ATRN: variants seen among roughly 807,000 people sequenced by gnomAD.
The protein encoded by ATRN is attractin.
Under a neutral mutation model 178.7 loss-of-function variants are expected in ATRN, and 54 were observed. The ratio of observed to expected loss-of-function variants is 0.30; its 90% CI spans 0.24 to 0.38. The LOEUF is 0.38. ATRN is among the 10% of genes least tolerant of loss of function. The pLI is 1.00. For missense variants in ATRN, 1,443 were observed against 1,815.1 expected, an observed-to-expected ratio of 0.79 and a Z score of 3.73; for synonymous variants, 636 against 663.0, an observed-to-expected ratio of 0.96 and a Z score of 0.63.
chr20:3,650,762 G>A lies in ATRN; in HGVS notation c.*3915G>A, dbSNP rs2087140941. The stretch of plus-strand genomic sequence containing the variant: ...TCTAAACACTAGTGAAGCCTGTTTC[G>A]TTGAACTAATTCTGGCTCTGGAAAT... On this transcript the variant is annotated 3_prime_UTR_variant, in exon 29 of 29. Coordinates refer to ENST00000262919, the MANE Select transcript of ATRN (RefSeq NM_139321.3). 1 of 148,330 alleles carries A rather than the reference G, an allele frequency of 6.7e-6. No individual in the cohort carries two copies. Among genetic ancestry groups the A allele is most frequent in the Admixed American group, 6.7e-5 (1 of 14,964 alleles). The allele number at this position is 148,330 out of a possible 1,614,324, so 9.2% of individuals were successfully genotyped here. A position where few individuals can be genotyped will look rare whatever the true frequency, so the allele number is the denominator to read the frequency against.
chr20:3,646,894 C>T lies in ATRN; in HGVS notation c.*47C>T, dbSNP rs779313188. On this transcript the variant is annotated 3_prime_UTR_variant, in exon 29 of 29. Coordinates refer to ENST00000262919, the MANE Select transcript of ATRN (RefSeq NM_139321.3). Reference sequence around the variant, plus strand: ...CACGCACGAGCTAGTGAGTGGCACACCAGAGCCATCTGCAGGGAAGGGCGT... The same window carrying T: ...CACGCACGAGCTAGTGAGTGGCACATCAGAGCCATCTGCAGGGAAGGGCGT... 1.1e-5 allele frequency: 17 copies of T among 1,605,830 alleles called. No individual in the cohort carries two copies. Among genetic ancestry groups the T allele is most frequent in the African/African-American group, 2.7e-5 (2 of 74,724 alleles).
At position 3,629,133 on chromosome 20, in the gene ATRN, A is replaced by C; in HGVS notation, c.3863+4561A>C. 5 of 981,738 alleles carry C rather than the reference A, an allele frequency of 5.1e-6. No individual in the cohort carries two copies. In the African/African-American group the frequency reaches 7.1e-5, roughly 14 times the overall value. The allele number at this position is 981,738 out of a possible 1,614,324, so 60.8% of individuals were successfully genotyped here. A position where few individuals can be genotyped will look rare whatever the true frequency, so the allele number is the denominator to read the frequency against. ...GGCCGTCAGTGCACTCTCCACCTCC[A>C]CTCCCCACCCCACCAACCCTAGCAT... On this transcript the variant is annotated intron_variant, in intron 25 of 28. Coordinates refer to ENST00000262919, the MANE Select transcript of ATRN (RefSeq NM_139321.3).
chr20:3,535,819 G>A (rs1296392642), intron 2 of ATRN, among the ~76,000 whole-genome samples: 2 of 151,976 alleles, frequency 1.3e-5, no homozygotes, highest in African/African-American at 2.4e-5. Context: ...TAGTAGAGAA[G>A]GGGTTTCACC....
At chr20:3,643,907 T>C (rs1313586829) in intron 27 of ATRN, among the ~76,000 whole-genome samples, 1 of 152,146 alleles carries the variant, frequency 6.6e-6, no homozygotes, top group African/African-American at 2.4e-5. Context: ...TCCCTACAGT[T>C]CAAGCAGCCC....
intron 24 of ATRN, among the ~76,000 whole-genome samples, chr20:3,624,187 G>C (rs760820549): frequency 5.3e-5 from 8 of 152,204 alleles, no homozygotes; most frequent in Non-Finnish European, 1.0e-4. Flanking sequence ...AGAGCTTTGT[G>C]TGTGGGTGGA....
intron 28 of ATRN, 59 bp from the exon 29 acceptor site, chr20:3,646,664 T>G (rs1415061495): frequency 2.0e-6 from 3 of 1,485,814 alleles, no homozygotes; most frequent in Non-Finnish European, 2.7e-6. Flanking sequence ...AAATTATTTT[T>G]TAAAACAAAA....
At chr20:3,604,926 G>T (rs1568759572) in intron 24 of ATRN, among the ~76,000 whole-genome samples, 1 of 152,078 alleles carries the variant, frequency 6.6e-6, no homozygotes, top group African/African-American at 2.4e-5. Flanking sequence ...GAGACCCATG[G>T]CCCCATTTTA....
intron 1 of ATRN, among the ~76,000 whole-genome samples, chr20:3,505,388 G>A (rs571810568): frequency 1.3e-5 from 2 of 152,058 alleles, no homozygotes; most frequent in African/African-American, 4.8e-5. Context: ...TCAGGCTTTG[G>A]GCTTGTCCTG....
At chr20:3,581,556 A>G (rs1236079202) in intron 15 of ATRN, among the ~76,000 whole-genome samples, 2 of 152,214 alleles carry the variant, frequency 1.3e-5, no homozygotes, top group African/African-American at 4.8e-5. Flanking sequence ...TATTTGCATT[A>G]TACTAACCAG....
At chr20:3,509,248 C>T (rs1324553485) in intron 1 of ATRN, among the ~76,000 whole-genome samples, 1 of 140,416 alleles carries the variant, frequency 7.1e-6, no homozygotes, top group Non-Finnish European at 1.6e-5. Context: ...CTGTACTTAA[C>T]TGTAATGAGT....
chr20:3,508,188 T>G (rs1352269933), intron 1 of ATRN, among the ~76,000 whole-genome samples: 2 of 151,860 alleles, frequency 1.3e-5, no homozygotes, highest in East Asian at 3.9e-4. Flanking sequence ...GTCTCAGTTT[T>G]AAAAATTTAT....
chr20:3,555,806 A>G (rs1226824809), intron 6 of ATRN, among the ~76,000 whole-genome samples: 2 of 152,236 alleles, frequency 1.3e-5, no homozygotes, highest in East Asian at 1.9e-4. Flanking sequence ...CTCAAACAAG[A>G]TGAAAGAAGT....
At chr20:3,535,588 T>TACACACACACACACACAC (rs11468707) in intron 2 of ATRN, among the ~76,000 whole-genome samples, 8 of 143,214 alleles carry the variant, frequency 5.6e-5, no homozygotes, top group African/African-American at 1.8e-4. Flanking sequence ...CAGAAACGGT[T>TACACACACACACACACAC]ACACACACAC....
intron 1 of ATRN, among the ~76,000 whole-genome samples, chr20:3,510,015 C>T (rs748082121): frequency 6.6e-6 from 1 of 152,118 alleles, no homozygotes; most frequent in Non-Finnish European, 1.5e-5. Flanking sequence ...CAAGGGTAAA[C>T]TATATATATC....
chr20:3,532,434 G>C (rs1245644629), intron 1 of ATRN, among the ~76,000 whole-genome samples: 1 of 152,142 alleles, frequency 6.6e-6, no homozygotes, highest in East Asian at 1.9e-4. Flanking sequence ...GTCATTCTTG[G>C]TGTTGGCTTT....
intron 24 of ATRN, among the ~76,000 whole-genome samples, chr20:3,609,183 G>C (rs1350144135): frequency 2.0e-5 from 3 of 151,676 alleles, no homozygotes; most frequent in African/African-American, 7.3e-5. Context: ...ATTTTTTTGT[G>C]ACCTCTTCAA....
In ATRN at chr20:3,490,323, T is replaced by A. The variant is rs2084770782; in HGVS notation, c.410+18806T>A. ...CCAGCATGGGTCAGAGCGCTGCTTGTCTCTTTCGCCCATCCAGGAAGGTCA... is the reference window on the plus strand; with the variant it reads ...CCAGCATGGGTCAGAGCGCTGCTTGACTCTTTCGCCCATCCAGGAAGGTCA... On this transcript the variant is annotated intron_variant, in intron 1 of 28. Transcript: ENST00000262919. The A allele has an allele frequency of 2.7e-5, 27 of 1,013,120 alleles. No individual in the cohort carries two copies. The South Asian group carries it at 3.4e-4, about 13-fold the overall frequency. 62.8% of individuals were successfully genotyped at this position (1,013,120 alleles called of 1,614,324 possible). A position where few individuals can be genotyped will look rare whatever the true frequency, so the allele number is the denominator to read the frequency against.
intron 1 of ATRN, among the ~76,000 whole-genome samples, chr20:3,514,327 A>G (rs2085177799): frequency 6.6e-6 from 1 of 152,222 alleles, no homozygotes; most frequent in Non-Finnish European, 1.5e-5. Flanking sequence ...AGACTCTTCC[A>G]GAGCATAGGA....
intron 21 of ATRN, among the ~76,000 whole-genome samples, 164 bp downstream of exon 21, chr20:3,596,593 G>A (rs1600142399): frequency 6.6e-6 from 1 of 152,250 alleles, no homozygotes; most frequent in Non-Finnish European, 1.5e-5. Context: ...CTACATATAG[G>A]AGCACTGTTT....
Sources: gnomAD v4.1 joint callset for allele counts (sites outside exome capture counted in the v4.1 genomes callset) on GRCh38, gnomAD v4.1.1 for gene constraint, MANE v1.5 for transcripts, NCBI Gene and HGNC (gene_info 2026-07-23, HGNC 2026-07-21) for gene names.